The following CNTRL variants were observed in gnomAD, a reference collection of about 807,000 sequenced individuals.
CNTRL encodes the protein 110 kDa centrosomal protein.
CNTRL carries 233 observed loss-of-function variants against 303.7 expected under a neutral mutation model. The ratio of observed to expected loss-of-function variants is 0.77; its 90% CI spans 0.69 to 0.86. The LOEUF is 0.86. Ranked by LOEUF, CNTRL falls within the 40% of genes least tolerant of loss-of-function variation. The pLI is 0.00. For synonymous variants in CNTRL, 900 were observed against 922.2 expected (o/e 0.98, Z 0.44); for missense variants, 2,524 against 2,650.6 (o/e 0.95, Z 1.05).
At chr9:121,104,942 G>T (rs371340449) in intron 7 of CNTRL, among the ~76,000 whole-genome samples, 1 of 152,006 alleles carries the variant, frequency 6.6e-6, no homozygotes, top group Admixed American at 6.6e-5. Context: ...ACTCCCAACC[G>T]CAGGTGATCC....
At chr9:121,092,300 G>A (rs1459728317) in intron 4 of CNTRL, among the ~76,000 whole-genome samples, 1 of 143,434 alleles carries the variant, frequency 7.0e-6, no homozygotes, top group Non-Finnish European at 1.5e-5. Flanking sequence ...CACTACTCTA[G>A]CATTACTGCC....
intron 17 of CNTRL, 66 bp from the exon 18 acceptor site, chr9:121,141,315 G>A: frequency 3.2e-6 from 4 of 1,246,486 alleles, no homozygotes; most frequent in Non-Finnish European, 4.6e-6. Context: ...AAAGTTAATA[G>A]CATGTTTGCA....
At chr9:121,150,768 A>C (rs1315938436) in intron 25 of CNTRL, 1 of 363,490 alleles carries the variant, frequency 2.8e-6, no homozygotes, top group African/African-American at 2.1e-5. Context: ...AACCAAAAAA[A>C]CAAAAATACC....
At chr9:121,106,665 T>C (rs2049489543) in intron 7 of CNTRL, among the ~76,000 whole-genome samples, 1 of 152,138 alleles carries the variant, frequency 6.6e-6, no homozygotes, top group African/African-American at 2.4e-5. Flanking sequence ...ATTTAGAGTG[T>C]TGGGAAATGA....
At position 121,129,072 on chromosome 9, in the gene CNTRL, C is replaced by T. The variant is rs148871516; in HGVS notation, c.2025+3136C>T. On this transcript the variant is annotated intron_variant, in intron 14 of 43. Transcript: ENST00000373855. ...TGTAGTATAGTTTAAAGTCAGGTAG[C>T]GTGATGCCTCCAGCTTTGTTCTTTT... Among the ~76,000 whole-genome samples, 95 of 152,240 alleles carry T rather than the reference C, an allele frequency of 6.2e-4. No homozygotes were observed. The Middle Eastern group carries it at 0.014, about 22-fold the overall frequency.
In CNTRL at chr9:121,160,412, T is replaced by C. The variant is rs567083164; in HGVS notation, c.5089+110T>C. On this transcript the variant is annotated intron_variant, in intron 32 of 43. Transcript: ENST00000373855. ...AAAAAACTTTAAAGTTTAACCTTAC[T>C]GCTAATAAGCAAAGCAAGCAGGTTA... is the stretch of plus-strand genomic sequence containing the variant. 1.7e-4 allele frequency: 117 copies of C among 687,568 alleles called. No individual in the cohort carries two copies. In the African/African-American group the frequency reaches 1.9e-3, roughly 11 times the overall value. 42.6% of individuals were successfully genotyped at this position (687,568 alleles called of 1,614,324 possible).
At chr9:121,127,672 A>G in intron 14 of CNTRL, among the ~76,000 whole-genome samples, 1 of 151,912 alleles carries the variant, frequency 6.6e-6, no homozygotes, top group South Asian at 2.1e-4. Context: ...AATTATTATT[A>G]TACTTTAAGT....
chr9:121,135,769 T>C (rs1404320977), intron 14 of CNTRL, 37 bp from the exon 15 acceptor site: 1 of 1,565,216 alleles, frequency 6.4e-7, no homozygotes, highest in Admixed American at 1.8e-5. Context: ...AGCAGCACAG[T>C]GAGGGTTCCA....
chr9:121,154,505 A>T (rs1344242773), intron 26 of CNTRL, among the ~76,000 whole-genome samples: 1 of 152,240 alleles, frequency 6.6e-6, no homozygotes, highest in Non-Finnish European at 1.5e-5. Context: ...ATTCCATGTC[A>T]TGCATTTTAC....
intron 13 of CNTRL, among the ~76,000 whole-genome samples, chr9:121,125,047 A>C (rs950756230): frequency 2.6e-5 from 4 of 151,880 alleles, no homozygotes; most frequent in Admixed American, 6.6e-5. Flanking sequence ...CTAAGTGTTT[A>C]GGTTACACAT....
In CNTRL at chr9:121,148,720, A is replaced by G; in HGVS notation, c.3508A>G (p.Lys1170Glu). ...QATKDSGVGL[K>E]YSASTPVRKP... ...CACCAAGGACTCTGGTGTTGGCCTT[A>G]AGTACTCAGCCTCAACTCCTGTTAG... The change falls in exon 24 of 44, where the codon AAG (lysine) becomes GAG (glutamate). Residue 1170 changes from lysine to glutamate, a missense_variant. Lys to Glu is a moderately conservative substitution (Grantham distance 56, BLOSUM62 1). Coordinates refer to ENST00000373855, the MANE Select transcript of CNTRL (RefSeq NM_007018.6). 1.9e-6 allele frequency: 3 copies of G among 1,614,096 alleles called. No homozygotes were observed. The highest frequency in any genetic ancestry group is 1.7e-6 in the Non-Finnish European group (2 of 1,179,986).
At chr9:121,171,885 T>C (rs1471273594) in intron 40 of CNTRL, among the ~76,000 whole-genome samples, 1 of 152,176 alleles carries the variant, frequency 6.6e-6, no homozygotes, top group African/African-American at 2.4e-5. Context: ...AAACCTCCCC[T>C]ACCCCTTGAG....
chr9:121,116,398 C>A (rs2049979329), intron 11 of CNTRL, among the ~76,000 whole-genome samples: 1 of 151,448 alleles, frequency 6.6e-6, no homozygotes. Flanking sequence ...TTTTTTGAGA[C>A]AGGGCCTTGA....
rs1449048245 is a variant in CNTRL, at chr9:121,172,542, G to GA, written c.6418-700dup. Among the ~76,000 whole-genome samples the GA allele has an allele frequency of 1.1e-4, 16 of 152,288 alleles. No homozygotes were observed. In the East Asian group the frequency reaches 2.9e-3, roughly 28 times the overall value. ...TGTAGTCCCAGCTATTCGGGAGGCT[G>GA]AGGGGGGAGGATTGCTTGAGCCTGG... On this transcript the variant is annotated intron_variant, in intron 40 of 43. Transcript: ENST00000373855.
chr9:121,163,111 A>G (rs1456722218), intron 34 of CNTRL, among the ~76,000 whole-genome samples: 2 of 151,690 alleles, frequency 1.3e-5, no homozygotes, highest in Non-Finnish European at 2.9e-5. Flanking sequence ...AGGCCGAGGC[A>G]GGAGGATCAC....
intron 1 of CNTRL, 56 bp downstream of exon 1, chr9:121,075,123 G>A (rs1313959070): frequency 2.8e-6 from 1 of 356,926 alleles, no homozygotes; most frequent in Admixed American, 3.6e-5. Flanking sequence ...AGCAGTGGGG[G>A]CCGGCGGCAA....
rs1370843091 is a variant in CNTRL at position 121,090,348 on chromosome 9, G to A, written c.291G>A (p.Leu97=). The change falls in exon 4 of 44, where the codon TTG becomes TTA. Residue 97 remains leucine (L), a synonymous_variant. Coordinates refer to ENST00000373855, the MANE Select transcript of CNTRL (RefSeq NM_007018.6). ...LIKKLTKQDN[L]ALIKSLNLSL... Reference sequence around the variant, plus strand: ...AAAAACTTACTAAACAGGATAATTTGGCTTTGATAAAATCTCTGAACCTTT... The same window carrying A: ...AAAAACTTACTAAACAGGATAATTTAGCTTTGATAAAATCTCTGAACCTTT... 1 of 1,612,654 alleles carries A rather than the reference G, an allele frequency of 6.2e-7. No homozygotes were observed. Among genetic ancestry groups the A allele is most frequent in the African/African-American group, 1.3e-5 (1 of 74,860 alleles).
At chr9:121,079,927 G>A (rs2048075038) in intron 1 of CNTRL, among the ~76,000 whole-genome samples, 1 of 151,980 alleles carries the variant, frequency 6.6e-6, no homozygotes, top group African/African-American at 2.4e-5. Flanking sequence ...GCAGGGGCAC[G>A]ATCTTGGCTC....
Position 121,162,128 on chromosome 9 carries a change from CCTT to C in CNTRL, c.5281_5283del (p.Leu1761del). On this transcript the variant is annotated inframe_deletion, in exon 34 of 44. Coordinates refer to ENST00000373855, the MANE Select transcript of CNTRL (RefSeq NM_007018.6). ...GGGAAATAGAGTGGCAGAAGCAGCT[CCTT>C]GAGAGGGATAAACGAGAAATAGAAC... 1 of 1,614,094 alleles carries C rather than the reference CCTT, an allele frequency of 6.2e-7. No homozygotes were observed. Among genetic ancestry groups the C allele is most frequent in the Non-Finnish European group, 8.5e-7 (1 of 1,180,014 alleles).
Sources: gnomAD v4.1 joint callset for allele counts (sites outside exome capture counted in the v4.1 genomes callset) on GRCh38, gnomAD v4.1.1 for gene constraint, MANE v1.5 for transcripts, NCBI Gene and HGNC (gene_info 2026-07-23, HGNC 2026-07-21) for gene names.